The following RIN3 variants were observed in gnomAD, a reference collection of about 807,000 sequenced individuals.
RIN3 encodes Ras and Rab interactor 3.
RIN3 carries 54 observed loss-of-function variants against 76.3 expected under a neutral mutation model. The observed-to-expected ratio is 0.71, with a 90% CI of 0.57 to 0.89. The LOEUF (loss-of-function observed/expected upper bound fraction) is 0.89. RIN3 is among the 40% of genes least tolerant of loss of function. The probability of loss-of-function intolerance (pLI) is 0.00; values close to 1 mark genes in which losing one functional copy is unlikely to be tolerated. For synonymous variants in RIN3, 576 were observed against 564.0 expected, an observed-to-expected ratio of 1.02 and a Z score of -0.30; for missense variants, 1,256 against 1,322.1, an observed-to-expected ratio of 0.95 and a Z score of 0.78.
At chr14:92,630,885 C>T (rs956977713) in intron 4 of RIN3, among the ~76,000 whole-genome samples, 4 of 152,190 alleles carry the variant, frequency 2.6e-5, no homozygotes, top group Non-Finnish European at 5.9e-5. Flanking sequence ...CCTGACCTCT[C>T]CTGGCCCCCA....
intron 1 of RIN3, chr14:92,515,344 G>C (rs1422437326): frequency 1.5e-6 from 1 of 681,426 alleles, no homozygotes; most frequent in Non-Finnish European, 2.7e-6. Flanking sequence ...TCTCAGGGAG[G>C]AAGGGGAGGT....
intron 4 of RIN3, among the ~76,000 whole-genome samples, chr14:92,627,510 A>G (rs1236537341): frequency 6.6e-6 from 1 of 152,258 alleles, no homozygotes; most frequent in Non-Finnish European, 1.5e-5. Context: ...AGTGGTGCCT[A>G]TGATCATTCA....
chr14:92,667,920 G>A (rs1236525451), intron 7 of RIN3, among the ~76,000 whole-genome samples: 1 of 152,218 alleles, frequency 6.6e-6, no homozygotes, highest in African/African-American at 2.4e-5. Context: ...TCTCCAAAAG[G>A]TTGTAACTCA....
At chr14:92,615,659 C>T in intron 4 of RIN3, 180 bp downstream of exon 4, 1 of 605,202 alleles carries the variant, frequency 1.7e-6, no homozygotes, top group Non-Finnish European at 3.0e-6. Flanking sequence ...CTGAGGCTTT[C>T]TCACACTATC....
At chr14:92,595,845 T>C (rs1334738647) in intron 3 of RIN3, among the ~76,000 whole-genome samples, 1 of 152,212 alleles carries the variant, frequency 6.6e-6, no homozygotes, top group Non-Finnish European at 1.5e-5. Flanking sequence ...TACATGTTGC[T>C]CAGTGTCCAG....
chr14:92,654,631 G>T (rs1196806616), intron 6 of RIN3, among the ~76,000 whole-genome samples: 1 of 152,230 alleles, frequency 6.6e-6, no homozygotes, highest in Non-Finnish European at 1.5e-5. Context: ...GAATAGGTTT[G>T]CCAGGCCACA....
chr14:92,677,402 G>A (rs1281733635), intron 8 of RIN3, among the ~76,000 whole-genome samples: 1 of 152,192 alleles, frequency 6.6e-6, no homozygotes, highest in Non-Finnish European at 1.5e-5. Context: ...CATCCTCCCA[G>A]GCCCTGAGGG....
intron 3 of RIN3, among the ~76,000 whole-genome samples, chr14:92,599,907 A>C (rs918634271): frequency 1.3e-5 from 2 of 152,192 alleles, no homozygotes; most frequent in African/African-American, 2.4e-5. Context: ...CTCTGTGGAT[A>C]TAATTGCCTG....
At chr14:92,658,657 A>T (rs1316931121) in intron 6 of RIN3, among the ~76,000 whole-genome samples, 1 of 152,164 alleles carries the variant, frequency 6.6e-6, no homozygotes, top group African/African-American at 2.4e-5. Context: ...ACCCAGGTCA[A>T]GGTAGTAGCC....
At chr14:92,584,134 C>A (rs921000561) in intron 3 of RIN3, among the ~76,000 whole-genome samples, 2 of 152,004 alleles carry the variant, frequency 1.3e-5, no homozygotes, top group Non-Finnish European at 1.5e-5. Flanking sequence ...ACTTGAGCAT[C>A]CTCAGATTTC....
chr14:92,546,927 T>C (rs1897278743), intron 1 of RIN3, among the ~76,000 whole-genome samples: 1 of 151,218 alleles, frequency 6.6e-6, no homozygotes, highest in South Asian at 2.1e-4. Flanking sequence ...AGTGTTAACA[T>C]GGGCCAGGTA....
At chr14:92,616,708 G>T (rs1181004494) in intron 4 of RIN3, among the ~76,000 whole-genome samples, 1 of 152,158 alleles carries the variant, frequency 6.6e-6, no homozygotes, top group Non-Finnish European at 1.5e-5. Context: ...GGCAGGGTTG[G>T]TGTATTCACC....
chr14:92,664,797 AC>A (rs1766384496), intron 7 of RIN3, among the ~76,000 whole-genome samples: 1 of 152,202 alleles, frequency 6.6e-6, no homozygotes, highest in African/African-American at 2.4e-5. Flanking sequence ...TATGTATGTA[AC>A]ATTACATAAC....
intron 4 of RIN3, among the ~76,000 whole-genome samples, chr14:92,632,686 G>T (rs1268016078): frequency 6.6e-6 from 1 of 152,182 alleles, no homozygotes; most frequent in African/African-American, 2.4e-5. Flanking sequence ...CTGGGAGGAT[G>T]CCCTGTGCTG....
intron 8 of RIN3, among the ~76,000 whole-genome samples, chr14:92,676,818 C>T (rs565455278): frequency 2.6e-4 from 39 of 152,278 alleles, no homozygotes; most frequent in Non-Finnish European, 3.7e-4. Flanking sequence ...GACTGTGCCA[C>T]CTCCACGTAA....
At chr14:92,614,954 C>T (rs188910648) in intron 3 of RIN3, among the ~76,000 whole-genome samples, 1 of 151,408 alleles carries the variant, frequency 6.6e-6, no homozygotes, top group African/African-American at 2.4e-5. Context: ...AGTGATTCTC[C>T]TGCCTCAGCC....
chr14:92,638,502 G>C (rs1886859652), intron 4 of RIN3, among the ~76,000 whole-genome samples: 1 of 152,168 alleles, frequency 6.6e-6, no homozygotes, highest in Admixed American at 6.5e-5. Context: ...GTGGCAGGAG[G>C]CTGTCCTGGC....
intron 9 of RIN3, chr14:92,686,223 G>C (rs1413493055): frequency 6.6e-6 from 1 of 152,298 alleles, no homozygotes; most frequent in South Asian, 2.1e-4. Context: ...CAGGAGGCTT[G>C]AGTTCTGGCC....
At chr14:92,527,410 A>T (rs1896768028) in intron 1 of RIN3, among the ~76,000 whole-genome samples, 1 of 152,128 alleles carries the variant, frequency 6.6e-6, no homozygotes, top group South Asian at 2.1e-4. Flanking sequence ...AGCTTACTCC[A>T]GTAGGACCTC....
Sources: gnomAD v4.1 joint callset for allele counts (sites outside exome capture counted in the v4.1 genomes callset) on GRCh38, gnomAD v4.1.1 for gene constraint, MANE v1.5 for transcripts, NCBI Gene and HGNC (gene_info 2026-07-23, HGNC 2026-07-21) for gene names.